The following GRM8 variants were observed in gnomAD, a reference collection of about 807,000 sequenced individuals.
The protein encoded by GRM8 is metabotropic glutamate receptor 8.
In GRM8, 47 loss-of-function variants were observed where a neutral mutation model predicts 87.2. That is an observed-to-expected ratio of 0.54 (90% CI 0.43 to 0.69). The LOEUF (loss-of-function observed/expected upper bound fraction) is 0.69. GRM8 is among the 30% of genes least tolerant of loss of function. The probability of loss-of-function intolerance (pLI) is 0.00; values close to 1 mark genes in which losing one functional copy is unlikely to be tolerated. For missense variants in GRM8, 1,019 were observed against 1,139.2 expected, an observed-to-expected ratio of 0.89 and a Z score of 1.52; for synonymous variants, 396 against 404.5, an observed-to-expected ratio of 0.98 and a Z score of 0.25.
chr7:127,147,033 C>A (rs539270364), intron 2 of GRM8, among the ~76,000 whole-genome samples: 1 of 152,162 alleles, frequency 6.6e-6, no homozygotes, highest in African/African-American at 2.4e-5. Context: ...AAGCATCTCT[C>A]CGTAAGTTAG....
At chr7:126,901,727 T>C (rs1005033321) in intron 6 of GRM8, among the ~76,000 whole-genome samples, 8 of 152,234 alleles carry the variant, frequency 5.3e-5, no homozygotes, top group African/African-American at 1.9e-4. Flanking sequence ...ATTCAAGTTG[T>C]GTAGTTTTCA....
chr7:126,765,153 AAAG>A (rs1818054986), intron 7 of GRM8, among the ~76,000 whole-genome samples: 3 of 152,144 alleles, frequency 2.0e-5, no homozygotes, highest in African/African-American at 7.2e-5. Flanking sequence ...CAAGTGTCTT[AAAG>A]AATAGCTAAA....
At chr7:126,486,570 C>T (rs897595940) in intron 9 of GRM8, among the ~76,000 whole-genome samples, 1 of 152,036 alleles carries the variant, frequency 6.6e-6, no homozygotes, top group African/African-American at 2.4e-5. Context: ...ATATATAGAT[C>T]TCACAATTTT....
At chr7:126,899,179 G>A (rs1801830405) in intron 6 of GRM8, among the ~76,000 whole-genome samples, 1 of 150,338 alleles carries the variant, frequency 6.7e-6, no homozygotes, top group African/African-American at 2.4e-5. Flanking sequence ...CACTAATACA[G>A]TCTAAATAAC....
chr7:126,596,429 T>A (rs780283177), intron 8 of GRM8, among the ~76,000 whole-genome samples: 1 of 152,200 alleles, frequency 6.6e-6, no homozygotes, highest in Non-Finnish European at 1.5e-5. Context: ...CGTTTTTTCA[T>A]ATACTTGTTG....
At chr7:127,014,945 A>AG (rs1563412666) in intron 3 of GRM8, among the ~76,000 whole-genome samples, 1 of 110,840 alleles carries the variant, frequency 9.0e-6, no homozygotes, top group East Asian at 3.6e-4. Context: ...GAGAGAGAGA[A>AG]AGAGAGAGAG....
At chr7:127,077,530 C>T (rs1048212543) in intron 3 of GRM8, among the ~76,000 whole-genome samples, 2 of 152,098 alleles carry the variant, frequency 1.3e-5, no homozygotes, top group African/African-American at 4.8e-5. Context: ...TGTCCTATAT[C>T]ATATGTGAAA....
At chr7:126,801,280 A>ATACAAGT (rs1234182769) in intron 6 of GRM8, among the ~76,000 whole-genome samples, 8 of 152,158 alleles carry the variant, frequency 5.3e-5, no homozygotes, top group Non-Finnish European at 8.8e-5. Flanking sequence ...TCATGCCGCA[A>ATACAAGT]TGCCACTTGT....
chr7:127,053,662 C>T (rs1819694636), intron 3 of GRM8, among the ~76,000 whole-genome samples: 1 of 150,712 alleles, frequency 6.6e-6, no homozygotes, highest in Non-Finnish European at 1.5e-5. Flanking sequence ...GTGGCGGGTG[C>T]CTGTAGTTCC....
intron 3 of GRM8, among the ~76,000 whole-genome samples, chr7:127,088,425 T>C (rs1308590708): frequency 6.6e-6 from 1 of 152,222 alleles, no homozygotes; most frequent in Admixed American, 6.5e-5. Flanking sequence ...AGAAGCTTTT[T>C]CTTGTCCTTG....
intron 3 of GRM8, among the ~76,000 whole-genome samples, chr7:127,009,712 T>G (rs1814676453): frequency 6.6e-6 from 1 of 152,118 alleles, no homozygotes; most frequent in Non-Finnish European, 1.5e-5. Context: ...TTTGGAATTG[T>G]GAAAAATCCA....
chr7:126,784,394 A>G (rs986115447), intron 6 of GRM8, among the ~76,000 whole-genome samples: 7 of 152,368 alleles, frequency 4.6e-5, no homozygotes, highest in African/African-American at 1.7e-4. Context: ...GAGAAAAATT[A>G]TAAATAGAAA....
chr7:126,675,970 T>A (rs1377942470), intron 7 of GRM8, among the ~76,000 whole-genome samples: 1 of 152,214 alleles, frequency 6.6e-6, no homozygotes, highest in Non-Finnish European at 1.5e-5. Flanking sequence ...GCTGATGATA[T>A]AATTTTATAT....
At chr7:126,780,774 C>T (rs1368002337) in intron 6 of GRM8, among the ~76,000 whole-genome samples, 2 of 151,902 alleles carry the variant, frequency 1.3e-5, no homozygotes, top group Non-Finnish European at 2.9e-5. Context: ...GACCGGGAGT[C>T]TATCTGTCTT....
intron 2 of GRM8, among the ~76,000 whole-genome samples, chr7:127,219,033 C>T (rs1422245024): frequency 1.3e-5 from 2 of 152,194 alleles, no homozygotes; most frequent in Non-Finnish European, 2.9e-5. Context: ...AAACCTGCCT[C>T]TCATTATGCC....
intron 8 of GRM8, among the ~76,000 whole-genome samples, chr7:126,597,203 G>A (rs1797293086): frequency 6.6e-6 from 1 of 152,078 alleles, no homozygotes; most frequent in Non-Finnish European, 1.5e-5. Context: ...TCCTCCCTCA[G>A]TTAATTATTG....
chr7:126,663,118 G>A (rs891879251), intron 7 of GRM8, among the ~76,000 whole-genome samples: 1 of 152,174 alleles, frequency 6.6e-6, no homozygotes, highest in Non-Finnish European at 1.5e-5. Context: ...TTTAAGCACT[G>A]AGCAGACCAA....
rs1002338165 is a variant in GRM8, at chr7:126,708,224, A to G, written c.1357+61641T>C. Among the ~76,000 whole-genome samples the G allele has an allele frequency of 5.3e-5, 8 of 152,096 alleles. No individual in the cohort carries two copies. In the South Asian group the frequency reaches 6.2e-4, roughly 12 times the overall value. The stretch of plus-strand genomic sequence containing the variant: ...TTTAGAATATCTATTATCAAAAATG[A>G]AAGATAAATGCTGTCAGAAATGTGG... On this transcript the variant is annotated intron_variant, in intron 7 of 10. Coordinates refer to ENST00000339582, the MANE Select transcript of GRM8 (RefSeq NM_000845.3).
intron 6 of GRM8, among the ~76,000 whole-genome samples, chr7:126,788,748 T>C (rs906267477): frequency 4.0e-5 from 6 of 150,752 alleles, no homozygotes; most frequent in African/African-American, 7.3e-5. Context: ...AGTTCACAGA[T>C]TGTGCCTATG....
Sources: allele counts gnomAD v4.1 joint callset (sites outside exome capture counted in the v4.1 genomes callset), GRCh38; gene constraint gnomAD v4.1.1; transcripts MANE v1.5; gene names NCBI Gene and HGNC (gene_info 2026-07-23, HGNC 2026-07-21).